Variants in EPGN observed in about 807,000 individuals in gnomAD.
EPGN encodes the protein epithelial mitogen, also known as epigen.
EPGN carries 21 observed loss-of-function variants against 20.7 expected under a neutral mutation model. The observed-to-expected ratio is 1.01, with a 90% CI of 0.72 to 1.46. The LOEUF is 1.46. Among genes scored for constraint, EPGN ranks in the 40% most tolerant of loss-of-function variants. The pLI, the probability that EPGN is intolerant of heterozygous loss-of-function variation, is 0.00. For missense variants in EPGN, 199 were observed against 180.7 expected (o/e 1.10, Z -0.58); for synonymous variants, 69 against 63.8 (o/e 1.08, Z -0.39).
rs1268337375 is a variant in EPGN at position 74,312,172 on chromosome 4, C to T, written c.134-13C>T. 1.3e-6 allele frequency: 2 copies of T among 1,585,672 alleles called. No homozygotes were observed. Among genetic ancestry groups the T allele is most frequent in the Non-Finnish European group, 1.7e-6 (2 of 1,170,356 alleles). ...CACATTTCATTTGCTAACATTGTAT[C>T]TCCTTTTCCTAGCTGACAACATAGA... On this transcript the variant is annotated splice_polypyrimidine_tract_variant and intron_variant, in intron 2 of 4. Coordinates refer to ENST00000413830, the MANE Select transcript of EPGN (RefSeq NM_001270989.2).
At position 74,312,197 on chromosome 4, in the gene EPGN, A is replaced by G. The variant is rs1751003330; in HGVS notation, c.146A>G (p.Glu49Gly). The G allele has an allele frequency of 3.7e-6, 6 of 1,607,084 alleles. No individual in the cohort carries two copies. In the African/African-American group the frequency reaches 6.7e-5, roughly 18 times the overall value. ...CTCCTTTTCCTAGCTGACAACATAG[A>G]AGGACCCATAGCCTTGAAGTTCTCA... ...TVNKTEADNI[E>G]GPIALKFSHL... is the part of the protein sequence containing the mutation. The change falls in exon 3 of 5, where the codon GAA becomes GGA. Residue 49 changes from glutamate (E) to glycine (G), a missense_variant. Glu to Gly is a moderately conservative substitution (Grantham distance 98, BLOSUM62 -2). Coordinates refer to ENST00000413830, the MANE Select transcript of EPGN (RefSeq NM_001270989.2).
chr4:74,313,442 G>T, intron 4 of EPGN: 1 of 1,291,622 alleles, frequency 7.7e-7, no homozygotes, highest in Non-Finnish European at 9.7e-7. Context: ...AATTATAAAT[G>T]AGGAGGACAG....
In EPGN at chr4:74,315,616, A is replaced by G. The variant is rs1228969780; in HGVS notation, c.*979A>G. On this transcript the variant is annotated 3_prime_UTR_variant, in exon 5 of 5. Transcript: ENST00000413830. The stretch of plus-strand genomic sequence containing the variant: ...AACACTTGTTAACAGATTTGCACAT[A>G]GAGGGAGAGAAAAAAAATGGAGTAA... 6.6e-6 allele frequency among the ~76,000 whole-genome samples: 1 copy of G among 152,166 alleles called. No individual in the cohort carries two copies. Among genetic ancestry groups the G allele is most frequent in the African/African-American group, 2.4e-5 (1 of 41,428 alleles).
rs1011255300 is a variant in EPGN at position 74,314,645 on chromosome 4, G to A, written c.*8G>A. 4 of 1,535,792 alleles carry A rather than the reference G, an allele frequency of 2.6e-6. No homozygotes were observed. Among genetic ancestry groups the A allele is most frequent in the Admixed American group, 2.0e-5 (1 of 50,978 alleles). On this transcript the variant is annotated 3_prime_UTR_variant, in exon 5 of 5. Transcript: ENST00000413830. ...GAAAGACGACCACTGTGAGGCCTTT[G>A]TGAAGAATTTTCATCAAGGCATCTG...
At position 74,309,170 on chromosome 4, in the gene EPGN, A is replaced by T. The variant is rs750195514; in HGVS notation, c.121A>T (p.Asn41Tyr). ...ITAQQGNWTVNKTEADNIEGP... is the reference protein window; with the variant it reads ...ITAQQGNWTVYKTEADNIEGP... ...AGCCCAGCAAGGTAACTGGACAGTT[A>T]ACAAAACAGAAGGTATTTTCTTCCC... The change falls in exon 2 of 5, where the codon AAC (asparagine) becomes TAC (tyrosine). Residue 41 changes from asparagine to tyrosine, a missense_variant. By Grantham distance (143) the Asn-to-Tyr change is moderately radical. Coordinates refer to ENST00000413830, the MANE Select transcript of EPGN (RefSeq NM_001270989.2). The T allele has an allele frequency of 1.3e-5, 21 of 1,612,062 alleles. No homozygotes were observed. Among genetic ancestry groups the T allele is most frequent in the Non-Finnish European group, 1.8e-5 (21 of 1,178,864 alleles).
rs998934619 is a variant in EPGN at position 74,315,114 on chromosome 4, G to T, written c.*477G>T. On this transcript the variant is annotated 3_prime_UTR_variant, in exon 5 of 5. Transcript: ENST00000413830. ...TTATCCCAAACTTGTTGTTTTCATG[G>T]TGTCTGAAAGAATGTGATGTCAGCT... 1 of 157,036 alleles carries T rather than the reference G, an allele frequency of 6.4e-6. No homozygotes were observed. The highest frequency in any genetic ancestry group is 2.4e-5 in the African/African-American group (1 of 41,450). The allele number at this position is 157,036 out of a possible 1,614,324, so 9.7% of individuals were successfully genotyped here.
At chr4:74,312,393 C>G in intron 3 of EPGN, 88 bp downstream of exon 3, 1 of 1,440,842 alleles carries the variant, frequency 6.9e-7, no homozygotes, top group East Asian at 2.4e-5. Flanking sequence ...ACACTTTTCT[C>G]TCTTTAGTTT....
intron 2 of EPGN, 65 bp from the exon 3 acceptor site, chr4:74,312,120 T>C: frequency 6.6e-7 from 1 of 1,510,938 alleles, no homozygotes; most frequent in Middle Eastern, 1.8e-4. Context: ...TTTACATATG[T>C]ATTAAAAATT....
Position 74,314,939 on chromosome 4 carries a change from C to T in EPGN, c.*302C>T. 2.8e-6 allele frequency: 1 copy of T among 362,122 alleles called. No homozygotes were observed. Among genetic ancestry groups the T allele is most frequent in the Non-Finnish European group, 5.0e-6 (1 of 200,336 alleles). 22.4% of individuals were successfully genotyped at this position (362,122 alleles called of 1,614,324 possible). A position where few individuals can be genotyped will look rare whatever the true frequency, so the allele number is the denominator to read the frequency against. ...TACAGAAAGACTGAGTTTCATGCTC[C>T]TGGCTATGTCAGATGTGAATTTTCA... On this transcript the variant is annotated 3_prime_UTR_variant, in exon 5 of 5. Transcript: ENST00000413830.
In EPGN at chr4:74,308,588, C is replaced by T; in HGVS notation, c.43+12C>T. The T allele has an allele frequency of 6.2e-7, 1 of 1,607,280 alleles. No homozygotes were observed. Among genetic ancestry groups the T allele is most frequent in the Non-Finnish European group, 8.5e-7 (1 of 1,175,796 alleles). On this transcript the variant is annotated intron_variant, in intron 1 of 4. Transcript: ENST00000413830. ...TCTTTTATTCAACGGTAGGTAATTT[C>T]CTTTTGTTTTGTTAACTTTATATCA... is the stretch of plus-strand genomic sequence containing the variant.
At chr4:74,309,644 G>A (rs1264807295) in intron 2 of EPGN, among the ~76,000 whole-genome samples, 3 of 152,084 alleles carry the variant, frequency 2.0e-5, no homozygotes, top group Non-Finnish European at 4.4e-5. Context: ...TGGAGTTTTT[G>A]TTGTTATTTT....
rs769437772 is a variant in EPGN, at chr4:74,309,140, A to G, written c.91A>G (p.Ile31Val). The change falls in exon 2 of 5, where the codon ATC becomes GTC. Residue 31 changes from isoleucine to valine, a missense_variant. Ile to Val is a conservative substitution (Grantham distance 29, BLOSUM62 3). Coordinates refer to ENST00000413830, the MANE Select transcript of EPGN (RefSeq NM_001270989.2). ...EEAAVTVTPP[I>V]TAQQGNWTVN... The stretch of plus-strand genomic sequence containing the variant: ...GGCAGCCGTGACTGTAACACCTCCA[A>G]TCACAGCCCAGCAAGGTAACTGGAC... 4.3e-6 allele frequency: 7 copies of G among 1,613,584 alleles called. No individual in the cohort carries two copies. Among genetic ancestry groups the G allele is most frequent in the Non-Finnish European group, 5.1e-6 (6 of 1,179,712 alleles).
intron 1 of EPGN, 65 bp downstream of exon 1, chr4:74,308,641 C>A: frequency 7.1e-7 from 1 of 1,399,162 alleles, no homozygotes; most frequent in South Asian, 1.3e-5. Context: ...AATTTATTTT[C>A]TCTGCATTAG....
chr4:74,313,184 A>G lies in EPGN; in HGVS notation c.407+14A>G. On this transcript the variant is annotated intron_variant, in intron 4 of 4. Transcript: ENST00000413830. Reference sequence around the variant, plus strand: ...TATAAGAAAGAGGTATGAAAAAGACAAAATATGAAGTCACTTCATATGCAA... The same window carrying G: ...TATAAGAAAGAGGTATGAAAAAGACGAAATATGAAGTCACTTCATATGCAA... The G allele has an allele frequency of 6.2e-7, 1 of 1,607,658 alleles. No individual in the cohort carries two copies. Among genetic ancestry groups the G allele is most frequent in the Non-Finnish European group, 8.5e-7 (1 of 1,178,574 alleles).
chr4:74,313,587 C>T (rs934172456), intron 4 of EPGN: 2 of 1,022,426 alleles, frequency 2.0e-6, no homozygotes, highest in Non-Finnish European at 2.3e-6. Flanking sequence ...CAAGTAAAAA[C>T]TGAATAAAAA....
At chr4:74,313,265 AT>A (rs1751085531) in intron 4 of EPGN, 95 bp downstream of exon 4, 9 of 1,429,880 alleles carry the variant, frequency 6.3e-6, no homozygotes, top group South Asian at 1.6e-5. Flanking sequence ...GACATGTAAA[AT>A]TTTTTTAATT....
At chr4:74,313,846 A>G (rs1381778965) in intron 4 of EPGN, among the ~76,000 whole-genome samples, 1 of 152,210 alleles carries the variant, frequency 6.6e-6, no homozygotes, top group Non-Finnish European at 1.5e-5. Context: ...GCTGTACTCT[A>G]ATAAGTTGTC....
At chr4:74,311,487 C>G (rs1750947892) in intron 2 of EPGN, among the ~76,000 whole-genome samples, 1 of 152,042 alleles carries the variant, frequency 6.6e-6, no homozygotes, top group Admixed American at 6.6e-5. Context: ...GTAAGATTCT[C>G]TTAATCTTAG....
At chr4:74,312,330 C>T (rs1402956217) in intron 3 of EPGN, 25 bp downstream of exon 3, 2 of 1,598,590 alleles carry the variant, frequency 1.3e-6, no homozygotes, top group Non-Finnish European at 1.7e-6. Flanking sequence ...ATATCCAAGT[C>T]CTAGAGACAG....
Sources: gnomAD v4.1 joint callset for allele counts (sites outside exome capture counted in the v4.1 genomes callset) on GRCh38, gnomAD v4.1.1 for gene constraint, MANE v1.5 for transcripts, NCBI Gene and HGNC (gene_info 2026-07-23, HGNC 2026-07-21) for gene names.